Variants in ESR1 observed in about 807,000 individuals in gnomAD.
The protein encoded by ESR1 is estrogen receptor 1, also known as estrogen receptor.
Under a neutral mutation model 52.7 loss-of-function variants are expected in ESR1, and 12 were observed. The ratio of observed to expected loss-of-function variants is 0.23; its 90% CI spans 0.15 to 0.37. The LOEUF (loss-of-function observed/expected upper bound fraction) is 0.37. Ranked by LOEUF, ESR1 falls within the 10% of genes least tolerant of loss-of-function variation. ESR1 has a pLI of 1.00. For missense variants in ESR1, 584 were observed against 779.7 expected, an observed-to-expected ratio of 0.75 and a Z score of 2.99; for synonymous variants, 305 against 316.8, an observed-to-expected ratio of 0.96 and a Z score of 0.39.
At chr6:151,662,867 G>A (rs1017613279) in intron 1 of ESR1, among the ~76,000 whole-genome samples, 1 of 152,338 alleles carries the variant, frequency 6.6e-6, no homozygotes, top group African/African-American at 2.4e-5. Context: ...TCCCATGTTT[G>A]TCTGGAAAAC....
intron 4 of ESR1, among the ~76,000 whole-genome samples, chr6:151,977,328 C>T (rs999588506): frequency 2.0e-5 from 3 of 151,574 alleles, no homozygotes; most frequent in African/African-American, 4.9e-5. Flanking sequence ...ACACTTGTCT[C>T]GTACAACTTT....
chr6:151,784,664 T>C (rs1390385555), intron 2 of ESR1, among the ~76,000 whole-genome samples: 3 of 152,206 alleles, frequency 2.0e-5, no homozygotes, highest in Non-Finnish European at 4.4e-5. Context: ...GCAACCAGTG[T>C]TACAGTTACA....
chr6:151,738,380 A>G (rs1583073543), intron 2 of ESR1, among the ~76,000 whole-genome samples: 1 of 152,204 alleles, frequency 6.6e-6, no homozygotes, highest in East Asian at 1.9e-4. Context: ...GTATATGTCC[A>G]GAAGTGGAAT....
intron 5 of ESR1, among the ~76,000 whole-genome samples, chr6:152,047,298 A>G (rs2046304352): frequency 6.6e-6 from 1 of 152,102 alleles, no homozygotes; most frequent in South Asian, 2.1e-4. Flanking sequence ...AACCTGGTCA[A>G]TTCTAACTGA....
chr6:151,674,083 A>G (rs1374019528), intron 1 of ESR1, among the ~76,000 whole-genome samples: 1 of 152,142 alleles, frequency 6.6e-6, no homozygotes, highest in Non-Finnish European at 1.5e-5. Context: ...TTACATAGGT[A>G]TACATGTGCC....
intron 6 of ESR1, among the ~76,000 whole-genome samples, chr6:152,124,496 A>G (rs916349701): frequency 2.6e-5 from 4 of 152,162 alleles, no homozygotes; most frequent in African/African-American, 9.7e-5. Context: ...CTAGGTGTCA[A>G]CCTCTTCACT....
In ESR1 at chr6:152,094,700, A is replaced by C; in HGVS notation, c.1553+132A>C. 1.2e-6 allele frequency: 1 copy of C among 829,038 alleles called. No individual in the cohort carries two copies. The highest frequency in any genetic ancestry group is 1.5e-5 in the South Asian group (1 of 68,072). The allele number at this position is 829,038 out of a possible 1,614,324, so 51.4% of individuals were successfully genotyped here. Reference sequence around the variant, plus strand: ...CTTGTGACAGTTCCTGGCATAGAATAAGCATAAATGCTATAGGAGGACAGA... The same window carrying C: ...CTTGTGACAGTTCCTGGCATAGAATCAGCATAAATGCTATAGGAGGACAGA... On this transcript the variant is annotated intron_variant, in intron 7 of 7. Transcript: ENST00000206249. The surrounding 1 kb of genome is among the most constrained non-coding windows in gnomAD (Gnocchi z 4.6).
chr6:152,016,766 G>T (rs1045997672), intron 5 of ESR1, among the ~76,000 whole-genome samples: 6 of 152,204 alleles, frequency 3.9e-5, no homozygotes, highest in African/African-American at 1.4e-4. Flanking sequence ...TAAAAGCTAA[G>T]TGGTTGACAG....
chr6:151,947,131 AAC>A (rs1180463197), intron 4 of ESR1, among the ~76,000 whole-genome samples: 1 of 152,218 alleles, frequency 6.6e-6, no homozygotes, highest in Non-Finnish European at 1.5e-5. Flanking sequence ...CAGCCTGGCC[AAC>A]ATGACAAAAC....
intron 5 of ESR1, among the ~76,000 whole-genome samples, chr6:152,041,193 T>A (rs1426015362): frequency 6.6e-6 from 1 of 152,180 alleles, no homozygotes; most frequent in Non-Finnish European, 1.5e-5. Context: ...TATAGGGGCC[T>A]GCCAAGGGCT....
In ESR1 at chr6:151,868,988, G is replaced by A. The variant is rs78500542; in HGVS notation, c.644-11667G>A. 3.4e-3 allele frequency among the ~76,000 whole-genome samples: 519 copies of A among 152,194 alleles called. 6 individuals are homozygous for A. The highest frequency in any genetic ancestry group is 0.025 in the East Asian group (131 of 5,178). The stretch of plus-strand genomic sequence containing the variant: ...CCCCCACACCAGAGCTTAGTGAACC[G>A]TCTTTTCTATTTTCTCCCAAAGCAC... On this transcript the variant is annotated intron_variant, in intron 2 of 7. Transcript: ENST00000206249.
rs1256945467 is a variant in ESR1 at position 151,943,394 on chromosome 6, A to AC, written c.761-779_761-778insC. On this transcript the variant is annotated intron_variant, in intron 3 of 7. Transcript: ENST00000206249. Reference sequence around the variant, plus strand: ...GACTCCATCTTAAAAAAAAAACAAAAAAAAACAAAAACAAAAAAAAAACCA... The same window carrying AC: ...GACTCCATCTTAAAAAAAAAACAAAACAAAAACAAAAACAAAAAAAAAACCA... Among the ~76,000 whole-genome samples the AC allele has an allele frequency of 3.1e-4, 46 of 146,898 alleles. No individual in the cohort carries two copies. In the East Asian group the frequency reaches 7.9e-3, roughly 25 times the overall value.
chr6:151,802,590 A>G (rs980135885), upstream of ESR1, among the ~76,000 whole-genome samples: 3 of 152,374 alleles, frequency 2.0e-5, no homozygotes, highest in South Asian at 6.2e-4. Flanking sequence ...CTTGTGAATC[A>G]TGCTGCCAAG....
At chr6:152,065,685 G>T (rs1194993141) in intron 6 of ESR1, among the ~76,000 whole-genome samples, 1 of 152,072 alleles carries the variant, frequency 6.6e-6, no homozygotes, top group Admixed American at 6.5e-5. Context: ...TTCAACCGTA[G>T]GTCCTCTTTT....
chr6:151,916,157 T>C (rs1395260383), intron 3 of ESR1, among the ~76,000 whole-genome samples: 2 of 152,154 alleles, frequency 1.3e-5, no homozygotes, highest in Non-Finnish European at 2.9e-5. Context: ...GGTGAGATAT[T>C]TGATATTCAG....
chr6:152,038,760 A>T (rs2045535799), intron 5 of ESR1, among the ~76,000 whole-genome samples: 1 of 152,026 alleles, frequency 6.6e-6, no homozygotes, highest in Non-Finnish European at 1.5e-5. Context: ...CCTCCCGAGT[A>T]GCTGGGATTA....
intron 1 of ESR1, among the ~76,000 whole-genome samples, chr6:151,669,743 G>A: frequency 6.6e-6 from 1 of 152,194 alleles, no homozygotes; most frequent in East Asian, 1.9e-4. Flanking sequence ...GTAATAAACA[G>A]TCTATGTGTT....
At chr6:151,738,381 G>C (rs1782827118) in intron 2 of ESR1, among the ~76,000 whole-genome samples, 1 of 152,154 alleles carries the variant, frequency 6.6e-6, no homozygotes, top group Non-Finnish European at 1.5e-5. Context: ...TATATGTCCA[G>C]AAGTGGAATT....
At chr6:151,946,348 A>G (rs2035698750) in intron 4 of ESR1, among the ~76,000 whole-genome samples, 1 of 152,344 alleles carries the variant, frequency 6.6e-6, no homozygotes, top group East Asian at 1.9e-4. Context: ...GATTCCCATC[A>G]TGACATTTTT....
Sources: allele counts gnomAD v4.1 joint callset (sites outside exome capture counted in the v4.1 genomes callset), GRCh38; gene constraint gnomAD v4.1.1; non-coding constraint Gnocchi (gnomAD v3.1); transcripts MANE v1.5; gene names NCBI Gene and HGNC (gene_info 2026-07-23, HGNC 2026-07-21).